CEP128: variants seen among roughly 807,000 people sequenced by gnomAD.
CEP128 encodes centrosomal protein 128.
CEP128 carries 132 observed loss-of-function variants against 156.7 expected under a neutral mutation model. That is an observed-to-expected ratio of 0.84 (90% CI 0.73 to 0.97). CEP128 has a LOEUF of 0.97. CEP128 is among the 50% of genes least tolerant of loss of function. CEP128 has a pLI of 0.00. For missense variants in CEP128, 1,252 were observed against 1,281.9 expected, an observed-to-expected ratio of 0.98 and a Z score of 0.36; for synonymous variants, 469 against 448.9, an observed-to-expected ratio of 1.04 and a Z score of -0.57.
chr14:80,651,496 T>C (rs1004548007), intron 19 of CEP128, among the ~76,000 whole-genome samples: 12 of 152,132 alleles, frequency 7.9e-5, no homozygotes, highest in Non-Finnish European at 1.6e-4. Context: ...CTAGTTCTTT[T>C]AATTGTGATG....
chr14:80,776,432 A>C (rs1456509080), intron 16 of CEP128, among the ~76,000 whole-genome samples: 1 of 150,136 alleles, frequency 6.7e-6, no homozygotes, highest in Non-Finnish European at 1.5e-5. Flanking sequence ...TAAACTCCTA[A>C]CTTACATTTT....
rs145692268 is a variant in CEP128, at chr14:80,592,006, G to A, written c.2807-11583C>T. ...AGAATCTCTGGGACACAGATAAGCAGTGTTTAGAGGGAAATTTATAGCACT... is the reference window on the plus strand; with the variant it reads ...AGAATCTCTGGGACACAGATAAGCAATGTTTAGAGGGAAATTTATAGCACT... On this transcript the variant is annotated intron_variant, in intron 19 of 24. Transcript: ENST00000555265. Among the ~76,000 whole-genome samples, 351 of 152,266 alleles carry A rather than the reference G, an allele frequency of 2.3e-3. 1 individual carries two copies. The highest frequency in any genetic ancestry group is 8.1e-3 in the African/African-American group (338 of 41,558).
At chr14:80,616,382 T>C (rs982421834) in intron 19 of CEP128, among the ~76,000 whole-genome samples, 18 of 152,196 alleles carry the variant, frequency 1.2e-4, no homozygotes, top group African/African-American at 4.3e-4. Context: ...ATAGAGATGA[T>C]TATTTTCCCC....
At chr14:80,515,819 C>A (rs1044631208) in intron 23 of CEP128, among the ~76,000 whole-genome samples, 5 of 152,178 alleles carry the variant, frequency 3.3e-5, no homozygotes, top group African/African-American at 1.2e-4. Context: ...GAAGCTAGCA[C>A]AGGCCTGCGT....
intron 19 of CEP128, among the ~76,000 whole-genome samples, chr14:80,686,810 T>A (rs1896540471): frequency 6.6e-6 from 1 of 151,802 alleles, no homozygotes; most frequent in Admixed American, 6.6e-5. Flanking sequence ...CAAAGATTCT[T>A]GTTTAAACCA....
chr14:80,823,662 T>A (rs1885314846), intron 13 of CEP128, among the ~76,000 whole-genome samples: 1 of 150,724 alleles, frequency 6.6e-6, no homozygotes, highest in African/African-American at 2.4e-5. Context: ...CACAACCAGG[T>A]CATGCTGATG....
chr14:80,616,425 C>T (rs551586614), intron 19 of CEP128, among the ~76,000 whole-genome samples: 6 of 152,298 alleles, frequency 3.9e-5, no homozygotes, highest in African/African-American at 1.2e-4. Flanking sequence ...CTGGGAGAGA[C>T]TGTTTTTACC....
intron 24 of CEP128, among the ~76,000 whole-genome samples, chr14:80,504,684 G>A (rs538210390): frequency 1.6e-4 from 25 of 152,234 alleles, no homozygotes; most frequent in Admixed American, 5.2e-4. Context: ...ACCTTGGGTG[G>A]TTATTTAAGT....
At chr14:80,480,583 G>A (rs889178055) in intron 14 of CEP128, among the ~76,000 whole-genome samples, 2 of 152,152 alleles carry the variant, frequency 1.3e-5, no homozygotes, top group African/African-American at 2.4e-5. Context: ...AGGGGCTGCC[G>A]AGAAGGTCTC....
intron 23 of CEP128, among the ~76,000 whole-genome samples, chr14:80,522,853 T>C (rs1888805328): frequency 1.3e-5 from 2 of 152,220 alleles, no homozygotes; most frequent in Admixed American, 6.5e-5. Context: ...GAAAATGTTG[T>C]GTTAGGTTCA....
intron 19 of CEP128, among the ~76,000 whole-genome samples, chr14:80,641,853 G>C (rs1595136515): frequency 6.6e-6 from 1 of 151,912 alleles, no homozygotes; most frequent in African/African-American, 2.4e-5. Context: ...GAGAGAGAAG[G>C]CCAAGGCGGG....
At chr14:80,910,700 C>T (rs1264076473) in intron 4 of CEP128, among the ~76,000 whole-genome samples, 1 of 148,624 alleles carries the variant, frequency 6.7e-6, no homozygotes, top group African/African-American at 2.5e-5. Context: ...TGGACTAACA[C>T]AGGTAGTTTA....
At chr14:80,572,682 G>A (rs1891192863) in intron 20 of CEP128, among the ~76,000 whole-genome samples, 1 of 140,374 alleles carries the variant, frequency 7.1e-6, no homozygotes, top group Non-Finnish European at 1.5e-5. Flanking sequence ...ACATCATAAT[G>A]TGTTGAGATT....
At chr14:80,686,357 AT>A (rs1878278244) in intron 19 of CEP128, among the ~76,000 whole-genome samples, 1 of 152,026 alleles carries the variant, frequency 6.6e-6, no homozygotes. Context: ...AAATAAAATC[AT>A]TTTTAGACAA....
chr14:80,723,415 C>A (rs1238310161), intron 19 of CEP128, among the ~76,000 whole-genome samples: 1 of 152,154 alleles, frequency 6.6e-6, no homozygotes, highest in South Asian at 2.1e-4. Context: ...AGGCTGGAGA[C>A]AACAGAAATG....
At chr14:80,492,979 A>G (rs1179458367), downstream of CEP128, among the ~76,000 whole-genome samples, 1 of 152,116 alleles carries the variant, frequency 6.6e-6, no homozygotes, top group Non-Finnish European at 1.5e-5. Flanking sequence ...ATATATATAT[A>G]TTGCTTCAAG....
At chr14:80,561,052 C>T (rs1422919135) in intron 20 of CEP128, among the ~76,000 whole-genome samples, 2 of 152,200 alleles carry the variant, frequency 1.3e-5, no homozygotes, top group Non-Finnish European at 2.9e-5. Flanking sequence ...GCAGAATGAA[C>T]TTGGCCCCTA....
Position 80,785,458 on chromosome 14 carries a change from G to A in CEP128, c.1648C>T (p.Leu550=). 1 of 1,613,796 alleles carries A rather than the reference G, an allele frequency of 6.2e-7. No homozygotes were observed. The change falls in exon 15 of 25, where the codon CTA becomes TTA. Residue 550 remains leucine (L), a synonymous_variant. Transcript: ENST00000555265. Reference sequence around the variant, plus strand: ...TCCTCCTGAAGGGCACGCTTTGTTAGGACATCATTCAATTCCTTTCGAAGA... The same window carrying A: ...TCCTCCTGAAGGGCACGCTTTGTTAAGACATCATTCAATTCCTTTCGAAGA... ...ENLRKELNDV[L]TKRALQEEEL... is the part of the protein sequence containing the mutation.
chr14:80,928,686 G>A (rs1214203082), intron 2 of CEP128, among the ~76,000 whole-genome samples: 1 of 152,096 alleles, frequency 6.6e-6, no homozygotes, highest in African/African-American at 2.4e-5. Flanking sequence ...AGGCGTTCCT[G>A]AGAAAGAAGG....
Sources: allele counts gnomAD v4.1 joint callset (sites outside exome capture counted in the v4.1 genomes callset), GRCh38; gene constraint gnomAD v4.1.1; transcripts MANE v1.5; gene names NCBI Gene and HGNC (gene_info 2026-07-23, HGNC 2026-07-21).